The following DOCK4 variants were observed in gnomAD, a reference collection of about 807,000 sequenced individuals.
DOCK4 encodes dedicator of cytokinesis protein 4.
DOCK4 carries 97 observed loss-of-function variants against 268.1 expected under a neutral mutation model. The ratio of observed to expected loss-of-function variants is 0.36; its 90% CI spans 0.31 to 0.43. DOCK4 has a LOEUF of 0.43. DOCK4 is among the 20% of genes least tolerant of loss of function. The pLI, the probability that DOCK4 is intolerant of heterozygous loss-of-function variation, is 1.00. For missense variants in DOCK4, 2,145 were observed against 2,455.7 expected (o/e 0.87, Z 2.67); for synonymous variants, 954 against 887.2 (o/e 1.08, Z -1.34).
chr7:112,099,444 C>T (rs1317370361), intron 1 of DOCK4, among the ~76,000 whole-genome samples: 2 of 152,072 alleles, frequency 1.3e-5, no homozygotes, highest in Non-Finnish European at 2.9e-5. Flanking sequence ...AAAAGTTTAC[C>T]GCATTCCCTA....
chr7:111,916,250 C>T (rs1487288759), intron 12 of DOCK4, among the ~76,000 whole-genome samples: 1 of 151,790 alleles, frequency 6.6e-6, no homozygotes, highest in Admixed American at 6.6e-5. Context: ...GTCACCTTGC[C>T]CTAAAAAATA....
intron 1 of DOCK4, among the ~76,000 whole-genome samples, chr7:112,166,639 T>C (rs776461151): frequency 2.0e-5 from 3 of 152,194 alleles, no homozygotes; most frequent in Non-Finnish European, 4.4e-5. Flanking sequence ...GAATTGGATG[T>C]AACAACCCAG....
intron 1 of DOCK4, among the ~76,000 whole-genome samples, chr7:112,076,864 A>C (rs766994438): frequency 2.0e-5 from 3 of 152,188 alleles, no homozygotes; most frequent in Non-Finnish European, 2.9e-5. Flanking sequence ...CATTTAATGA[A>C]GCGTTGACTG....
At chr7:112,176,564 A>G (rs941418276) in intron 1 of DOCK4, among the ~76,000 whole-genome samples, 2 of 152,234 alleles carry the variant, frequency 1.3e-5, no homozygotes, top group African/African-American at 4.8e-5. Context: ...AACTACAAGC[A>G]CAATGCCCTT....
chr7:112,000,113 A>G (rs1289996612), intron 3 of DOCK4, among the ~76,000 whole-genome samples: 1 of 152,090 alleles, frequency 6.6e-6, no homozygotes, highest in Non-Finnish European at 1.5e-5. Flanking sequence ...CTCCATACCG[A>G]TATTTTACAA....
intron 1 of DOCK4, among the ~76,000 whole-genome samples, chr7:112,191,025 C>CT (rs1232968936): frequency 6.6e-6 from 1 of 152,136 alleles, no homozygotes; most frequent in East Asian, 1.9e-4. Context: ...GGAATCCTCC[C>CT]TTTTTTCTAG....
intron 23 of DOCK4, among the ~76,000 whole-genome samples, chr7:111,851,153 G>C (rs1804513059): frequency 6.6e-6 from 1 of 151,992 alleles, no homozygotes; most frequent in South Asian, 2.1e-4. Flanking sequence ...AGGTATAAAA[G>C]TTCTGAAAAA....
At chr7:111,925,043 T>G (rs1177190900) in intron 12 of DOCK4, among the ~76,000 whole-genome samples, 3 of 152,178 alleles carry the variant, frequency 2.0e-5, no homozygotes, top group African/African-American at 7.2e-5. Context: ...TTAGTAGATT[T>G]TTTCAAAAAT....
intron 1 of DOCK4, among the ~76,000 whole-genome samples, chr7:112,139,420 C>T (rs552835178): frequency 1.2e-4 from 19 of 152,332 alleles, no homozygotes; most frequent in African/African-American, 4.1e-4. Context: ...GGCACTCCCA[C>T]TGGTCTATTA....
intron 50 of DOCK4, 148 bp from the exon 51 acceptor site, chr7:111,735,315 A>G (rs1366587794): frequency 6.8e-6 from 4 of 585,260 alleles, no homozygotes; most frequent in Non-Finnish European, 1.2e-5. Flanking sequence ...CTAAACCTTT[A>G]TTTAATTGGC....
At chr7:111,750,020 C>G (rs868616844) in intron 42 of DOCK4, among the ~76,000 whole-genome samples, 12 of 152,136 alleles carry the variant, frequency 7.9e-5, no homozygotes, top group South Asian at 4.1e-4. Context: ...AGAGTGTTCA[C>G]CAAGAATTAC....
intron 12 of DOCK4, among the ~76,000 whole-genome samples, chr7:111,923,873 A>G (rs1259089020): frequency 6.6e-6 from 1 of 152,210 alleles, no homozygotes; most frequent in Non-Finnish European, 1.5e-5. Context: ...TTTTCCAACT[A>G]TGCTCGTTTG....
At chr7:112,134,942 A>G (rs895755128) in intron 1 of DOCK4, among the ~76,000 whole-genome samples, 3 of 152,192 alleles carry the variant, frequency 2.0e-5, no homozygotes, top group African/African-American at 4.8e-5. Flanking sequence ...TTCCTTAACC[A>G]GTATTCACCT....
At chr7:111,801,594 A>C (rs1164892760) in intron 30 of DOCK4, 1 of 151,922 alleles carries the variant, frequency 6.6e-6, no homozygotes, top group Admixed American at 6.6e-5. Flanking sequence ...TTTTTGACCT[A>C]GATATTCTTT....
At chr7:111,866,811 C>G in intron 22 of DOCK4, among the ~76,000 whole-genome samples, 1 of 152,192 alleles carries the variant, frequency 6.6e-6, no homozygotes, top group Non-Finnish European at 1.5e-5. Context: ...AGAAAAATCT[C>G]AGGACGAAAA....
chr7:111,905,679 A>ATGTGTGTG (rs564671787), intron 13 of DOCK4, among the ~76,000 whole-genome samples: 4 of 115,292 alleles, frequency 3.5e-5, no homozygotes, highest in African/African-American at 8.2e-5. Flanking sequence ...ATATATATGC[A>ATGTGTGTG]TGTATGTGTG....
intron 16 of DOCK4, among the ~76,000 whole-genome samples, chr7:111,893,380 C>T (rs972954425): frequency 2.0e-5 from 3 of 152,192 alleles, no homozygotes; most frequent in Admixed American, 2.0e-4. Flanking sequence ...CACCCTCAGA[C>T]CCATAGGTGA....
chr7:111,729,252 T>TATCA (rs1468246652), intron 52 of DOCK4, among the ~76,000 whole-genome samples: 4 of 152,200 alleles, frequency 2.6e-5, no homozygotes, highest in African/African-American at 9.7e-5. Flanking sequence ...GTTTACTCCT[T>TATCA]ATCATTTTCA....
intron 1 of DOCK4, among the ~76,000 whole-genome samples, chr7:112,145,508 A>T (rs80221230): frequency 0.027 from 4,175 of 152,344 alleles, 105 homozygotes; most frequent in Admixed American, 0.07. Flanking sequence ...GAGATACAAC[A>T]GAATTCTTCC....
Sources: gnomAD v4.1 joint callset for allele counts (sites outside exome capture counted in the v4.1 genomes callset) on GRCh38, gnomAD v4.1.1 for gene constraint, MANE v1.5 for transcripts, NCBI Gene and HGNC (gene_info 2026-07-23, HGNC 2026-07-21) for gene names.